MAN2A1: variants seen among roughly 807,000 people sequenced by gnomAD.
MAN2A1 encodes the protein alpha-mannosidase 2.
MAN2A1 carries 76 observed loss-of-function variants against 142.6 expected under a neutral mutation model. That is an observed-to-expected ratio of 0.53 (90% confidence interval 0.44 to 0.65). MAN2A1 has a LOEUF of 0.65. Ranked by LOEUF, MAN2A1 falls within the 30% of genes least tolerant of loss-of-function variation. MAN2A1 has a pLI of 0.00. For missense variants in MAN2A1, 1,311 were observed against 1,365.1 expected (o/e 0.96, Z 0.62); for synonymous variants, 559 against 473.2 (o/e 1.18, Z -2.35).
At chr5:109,729,734 T>C in intron 4 of MAN2A1, among the ~76,000 whole-genome samples, 1 of 152,218 alleles carries the variant, frequency 6.6e-6, no homozygotes, top group Non-Finnish European at 1.5e-5. Flanking sequence ...GGCTTACTGC[T>C]GTAATCCTAG....
intron 19 of MAN2A1, among the ~76,000 whole-genome samples, chr5:109,850,941 CACTT>C (rs1201676061): frequency 5.7e-4 from 87 of 152,128 alleles, no homozygotes; most frequent in African/African-American, 1.9e-3. Flanking sequence ...ATTAAAAAGA[CACTT>C]AATTGATGAA....
chr5:109,830,895 C>G (rs753052797), intron 16 of MAN2A1, among the ~76,000 whole-genome samples: 3 of 152,178 alleles, frequency 2.0e-5, no homozygotes, highest in Non-Finnish European at 4.4e-5. Context: ...AGATTCAGAA[C>G]TCAGAGGTTA....
chr5:109,758,457 T>G (rs1222438139), intron 5 of MAN2A1, among the ~76,000 whole-genome samples: 1 of 151,684 alleles, frequency 6.6e-6, no homozygotes, highest in African/African-American at 2.4e-5. Flanking sequence ...CAAATTTATT[T>G]TCTCATTCTG....
At chr5:109,695,298 A>G (rs182620937) in intron 1 of MAN2A1, among the ~76,000 whole-genome samples, 387 of 152,276 alleles carry the variant, frequency 2.5e-3, no homozygotes, top group Admixed American at 4.2e-3. Context: ...TATTTTTGTC[A>G]GGGAGATGTC....
At chr5:109,864,286 A>G (rs1463426551) in intron 20 of MAN2A1, 2 of 152,234 alleles carry the variant, frequency 1.3e-5, no homozygotes, top group Non-Finnish European at 2.9e-5. Context: ...AGATAATTGT[A>G]TTTTAAAATA....
At chr5:109,833,474 C>G (rs1580300376) in intron 16 of MAN2A1, among the ~76,000 whole-genome samples, 1 of 152,178 alleles carries the variant, frequency 6.6e-6, no homozygotes, top group African/African-American at 2.4e-5. Context: ...TGGAGACCAG[C>G]CCGGCCAACA....
chr5:109,789,469 C>A lies in MAN2A1; in HGVS notation c.1885C>A (p.Gln629Lys). Residue 629 changes from glutamine (Q) to lysine (K), a missense_variant, in exon 12 of 22, where the codon CAA (glutamine) becomes AAA (lysine). Around this residue, in one of 3 missense-constraint regions of MAN2A1, gnomAD observed 890 missense variants for 920.5 expected, o/e 0.97. Coordinates refer to ENST00000261483, the MANE Select transcript of MAN2A1 (RefSeq NM_002372.4). ...CTGTTCATTTTTATAGGATTTGAAACAAAAATCACAAGATTCTCTGCCACA... is the reference window on the plus strand; with the variant it reads ...CTGTTCATTTTTATAGGATTTGAAAAAAAAATCACAAGATTCTCTGCCACA... ...PDTFLEMDLK[Q>K]KSQDSLPQKN... is the part of the protein sequence containing the mutation. 2 of 1,579,552 alleles carry A rather than the reference C, an allele frequency of 1.3e-6. No individual in the cohort carries two copies. The highest frequency in any genetic ancestry group is 1.7e-6 in the Non-Finnish European group (2 of 1,158,338).
Position 109,690,309 on chromosome 5 carries a change from G to A in MAN2A1, c.-109G>A, listed in dbSNP as rs1750626924. ...CGCACCCGCATCCGAGAGCGCGGAGGTCGCGCAGCCCGGGAGAAGGGAGCC... is the reference window on the plus strand; with the variant it reads ...CGCACCCGCATCCGAGAGCGCGGAGATCGCGCAGCCCGGGAGAAGGGAGCC... On this transcript the variant is annotated 5_prime_UTR_variant, in exon 1 of 22. Transcript: ENST00000261483. The A allele has an allele frequency of 7.5e-6, 9 of 1,193,002 alleles. No individual in the cohort carries two copies. The highest frequency in any genetic ancestry group is 1.1e-5 in the Non-Finnish European group (9 of 813,410). 73.9% of individuals were successfully genotyped at this position (1,193,002 alleles called of 1,614,324 possible).
chr5:109,711,250 A>G (rs951084560), intron 1 of MAN2A1, among the ~76,000 whole-genome samples: 1 of 152,240 alleles, frequency 6.6e-6, no homozygotes, highest in East Asian at 1.9e-4. Flanking sequence ...ACTGCTTGTA[A>G]TAAGAGTAAC....
chr5:109,717,777 C>T (rs912095007), intron 3 of MAN2A1, among the ~76,000 whole-genome samples: 2 of 152,094 alleles, frequency 1.3e-5, no homozygotes, highest in Admixed American at 6.6e-5. Flanking sequence ...AAATGGAGAT[C>T]ATACAGGTGG....
intron 12 of MAN2A1, chr5:109,804,041 A>G (rs1754099704): frequency 3.1e-6 from 1 of 318,206 alleles, no homozygotes; most frequent in Non-Finnish European, 4.6e-6. Flanking sequence ...CTGAAATAGT[A>G]ACATAAAGCT....
intron 16 of MAN2A1, among the ~76,000 whole-genome samples, chr5:109,832,963 C>T (rs1200850895): frequency 1.4e-3 from 210 of 150,548 alleles, no homozygotes; most frequent in Non-Finnish European, 2.5e-3. Context: ...GGGTGGCGGT[C>T]GGGCACAGAC....
At chr5:109,774,573 T>C (rs1582884000) in intron 7 of MAN2A1, among the ~76,000 whole-genome samples, 1 of 152,166 alleles carries the variant, frequency 6.6e-6, no homozygotes, top group East Asian at 1.9e-4. Context: ...GATAAGAATT[T>C]ATGAATATTT....
In MAN2A1 at chr5:109,723,189, A is replaced by C. The variant is rs150789655; in HGVS notation, c.536-6153A>C. On this transcript the variant is annotated intron_variant, in intron 3 of 21. Coordinates refer to ENST00000261483, the MANE Select transcript of MAN2A1 (RefSeq NM_002372.4). ...AATAGGTTCCTCTGGTGTGGGGTAAAATTTCCAGTGACAGCATCTTCATAT... is the reference window on the plus strand; with the variant it reads ...AATAGGTTCCTCTGGTGTGGGGTAACATTTCCAGTGACAGCATCTTCATAT... 5.1e-3 allele frequency among the ~76,000 whole-genome samples: 778 copies of C among 152,282 alleles called. 8 individuals carry two copies. The highest frequency in any genetic ancestry group is 0.018 in the African/African-American group (738 of 41,542).
chr5:109,701,282 G>T (rs1292248116), intron 1 of MAN2A1, among the ~76,000 whole-genome samples: 1 of 152,212 alleles, frequency 6.6e-6, no homozygotes, highest in Non-Finnish European at 1.5e-5. Flanking sequence ...CCTATGGGAC[G>T]ATACTTTGAA....
intron 1 of MAN2A1, among the ~76,000 whole-genome samples, chr5:109,711,153 G>C (rs1004773699): frequency 1.3e-5 from 2 of 152,146 alleles, no homozygotes; most frequent in Admixed American, 6.5e-5. Flanking sequence ...AAAGCTCTGT[G>C]GTGATGGCAT....
At chr5:109,841,773 A>G (rs1175281094) in intron 16 of MAN2A1, among the ~76,000 whole-genome samples, 19 of 152,232 alleles carry the variant, frequency 1.2e-4, no homozygotes, top group Admixed American at 1.2e-3. Context: ...AGCTTTCCAG[A>G]TTATAGTCCA....
rs1004690412 is a variant in MAN2A1, at chr5:109,868,128, T to C, written c.*1130T>C. ...AAACTGCAACTTGAAGCAAGGATTT[T>C]GTAAAATGCAAAATCCAGCTACTGT... On this transcript the variant is annotated 3_prime_UTR_variant, in exon 22 of 22. Coordinates refer to ENST00000261483, the MANE Select transcript of MAN2A1 (RefSeq NM_002372.4). The C allele has an allele frequency of 6.6e-6, 1 of 152,238 alleles. No homozygotes were observed. The highest frequency in any genetic ancestry group is 2.4e-5 in the African/African-American group (1 of 41,472). 9.4% of individuals were successfully genotyped at this position (152,238 alleles called of 1,614,324 possible).
intron 9 of MAN2A1, among the ~76,000 whole-genome samples, chr5:109,782,275 A>C (rs998328950): frequency 6.6e-6 from 1 of 152,204 alleles, no homozygotes; most frequent in African/African-American, 2.4e-5. Context: ...GAGAACTTTC[A>C]ATCACTGATA....
Sources: allele counts gnomAD v4.1 joint callset (sites outside exome capture counted in the v4.1 genomes callset), GRCh38; gene constraint gnomAD v4.1.1; regional missense constraint gnomAD v4.1.1; transcripts MANE v1.5; gene names NCBI Gene and HGNC (gene_info 2026-07-23, HGNC 2026-07-21).